RAI14: variants seen among roughly 807,000 people sequenced by gnomAD.
RAI14 encodes retinoic acid induced 14, also known as ankycorbin.
Under a neutral mutation model 115.4 loss-of-function variants are expected in RAI14, and 45 were observed. The observed-to-expected ratio is 0.39, with a 90% CI of 0.31 to 0.50. The LOEUF is 0.50. RAI14 is among the 20% of genes least tolerant of loss of function. The pLI is 0.85. For synonymous variants in RAI14, 371 were observed against 415.4 expected, an observed-to-expected ratio of 0.89 and a Z score of 1.30; for missense variants, 939 against 1,131.2, an observed-to-expected ratio of 0.83 and a Z score of 2.44.
intron 2 of RAI14, among the ~76,000 whole-genome samples, chr5:34,698,857 G>T (rs1176459604): frequency 6.6e-6 from 1 of 152,166 alleles, no homozygotes; most frequent in Non-Finnish European, 1.5e-5. Flanking sequence ...CAGGACTAGG[G>T]CCAGGGCTAG....
intron 1 of RAI14, among the ~76,000 whole-genome samples, chr5:34,677,266 G>A (rs1237998078): frequency 1.3e-5 from 2 of 151,082 alleles, no homozygotes; most frequent in Non-Finnish European, 2.9e-5. Flanking sequence ...CTGGCTTCAA[G>A]TGATTCTTTG....
Position 34,756,745 on chromosome 5 carries a change from C to G in RAI14, c.37-723C>G, listed in dbSNP as rs1347655389. ...CCATCTGCTCTTATATAGAAATCGT[C>G]TCTTTCCCTCCTAAGTGTAGAAATC... On this transcript the variant is annotated intron_variant, in intron 2 of 17. Coordinates refer to ENST00000265109, the MANE Select transcript of RAI14 (RefSeq NM_015577.3). Among the ~76,000 whole-genome samples, 12 of 152,350 alleles carry G rather than the reference C, an allele frequency of 7.9e-5. No individual in the cohort carries two copies. In the East Asian group the frequency reaches 2.1e-3, roughly 27 times the overall value.
At chr5:34,812,999 GT>G in intron 10 of RAI14, among the ~76,000 whole-genome samples, 1 of 152,084 alleles carries the variant, frequency 6.6e-6, no homozygotes, top group East Asian at 1.9e-4. Flanking sequence ...TTATTGTGTA[GT>G]TTTTTCTAAA....
At position 34,823,461 on chromosome 5, in the gene RAI14, A is replaced by G. The variant is rs1757125143; in HGVS notation, c.1619A>G (p.Gln540Arg). The stretch of plus-strand genomic sequence containing the variant: ...ATAAATGTGCTAAAGCAGGATCTGC[A>G]GAATGCATTAGAAGAAAGTGAAAGA... ...EEINVLKQDL[Q>R]NALEESERNK... is the part of the protein sequence containing the mutation. The change falls in exon 15 of 18, where the codon CAG (glutamine) becomes CGG (arginine). Residue 540 changes from glutamine to arginine, a missense_variant. Transcript: ENST00000265109. This position sits in a 1 kb window ranked among gnomAD's most constrained non-coding sequence, Gnocchi z 4.5. 3 of 1,614,090 alleles carry G rather than the reference A, an allele frequency of 1.9e-6. No individual in the cohort carries two copies. The highest frequency in any genetic ancestry group is 2.7e-5 in the African/African-American group (2 of 74,934).
intron 2 of RAI14, among the ~76,000 whole-genome samples, chr5:34,739,868 C>G (rs1236192692): frequency 5.3e-5 from 8 of 152,106 alleles, no homozygotes; most frequent in Non-Finnish European, 1.2e-4. Context: ...TCAAGACCAG[C>G]CTGACCAACA....
intron 2 of RAI14, among the ~76,000 whole-genome samples, chr5:34,730,676 G>GA (rs920662091): frequency 2.6e-5 from 4 of 151,316 alleles, no homozygotes; most frequent in Non-Finnish European, 4.4e-5. Flanking sequence ...ACCCTGTCTC[G>GA]AAAAAAAATA....
intron 2 of RAI14, among the ~76,000 whole-genome samples, chr5:34,752,800 G>T (rs528423974): frequency 7.3e-6 from 1 of 137,742 alleles, no homozygotes; most frequent in East Asian, 2.2e-4. Flanking sequence ...CAAGGTCTTG[G>T]GTTGTCGCCC....
chr5:34,721,318 T>TAG (rs1440287127), intron 2 of RAI14, among the ~76,000 whole-genome samples: 3 of 137,454 alleles, frequency 2.2e-5, no homozygotes, highest in African/African-American at 8.1e-5. Flanking sequence ...TATATATATA[T>TAG]ATATATAGAT....
chr5:34,815,089 A>C (rs1164326545), intron 12 of RAI14, among the ~76,000 whole-genome samples: 1 of 152,160 alleles, frequency 6.6e-6, no homozygotes, highest in East Asian at 1.9e-4. Context: ...TCTACTAAAA[A>C]TACAAAAACT....
intron 2 of RAI14, among the ~76,000 whole-genome samples, chr5:34,695,315 C>G (rs183691539): frequency 1.5e-3 from 223 of 152,282 alleles, no homozygotes; most frequent in Non-Finnish European, 1.6e-3. Context: ...ATACCCTATA[C>G]AGTAGTTCTA....
In RAI14 at chr5:34,827,338, A is replaced by T. The variant is rs1385706877; in HGVS notation, c.2799+859A>T. Among the ~76,000 whole-genome samples, 1 of 152,136 alleles carries T rather than the reference A, an allele frequency of 6.6e-6. No individual in the cohort carries two copies. The highest frequency in any genetic ancestry group is 2.4e-5 in the African/African-American group (1 of 41,426). ...TTTCATCTGCAAGATGCCTTTTGCC[A>T]TATAAAGTTTAACATTCACAGGTTC... On this transcript the variant is annotated intron_variant, in intron 16 of 17. Coordinates refer to ENST00000265109, the MANE Select transcript of RAI14 (RefSeq NM_015577.3). The surrounding 1 kb of genome is among the most constrained non-coding windows in gnomAD (Gnocchi z 4.2).
intron 2 of RAI14, among the ~76,000 whole-genome samples, chr5:34,736,719 C>G (rs746975505): frequency 6.6e-6 from 1 of 152,114 alleles, no homozygotes; most frequent in Admixed American, 6.6e-5. Flanking sequence ...TGGGTTTGAA[C>G]AAATTGAGAT....
At position 34,688,308 on chromosome 5, in the gene RAI14, A is replaced by G. The variant is rs989574267; in HGVS notation, c.36+1353A>G. 6.9e-6 allele frequency: 10 copies of G among 1,441,712 alleles called. No homozygotes were observed. The African/African-American group carries it at 8.6e-5, about 12-fold the overall frequency. The allele number at this position is 1,441,712 out of a possible 1,614,324, so 89.3% of individuals were successfully genotyped here. A position where few individuals can be genotyped will look rare whatever the true frequency, so the allele number is the denominator to read the frequency against. On this transcript the variant is annotated intron_variant, in intron 2 of 17. Coordinates refer to ENST00000265109, the MANE Select transcript of RAI14 (RefSeq NM_015577.3). ...ATAGGGGTTTCTAAATTTTGTGACC[A>G]GGTTAACAAATGTCTTTTTCTATTC...
At chr5:34,812,933 G>A (rs1466652424) in intron 10 of RAI14, among the ~76,000 whole-genome samples, 3 of 152,118 alleles carry the variant, frequency 2.0e-5, no homozygotes, top group Non-Finnish European at 2.9e-5. Context: ...CTTTTAATTA[G>A]GGTTTTTCTA....
intron 3 of RAI14, among the ~76,000 whole-genome samples, chr5:34,792,239 T>TTC (rs1554005384): frequency 6.8e-6 from 1 of 146,338 alleles, no homozygotes; most frequent in Non-Finnish European, 1.5e-5. Context: ...TTTTTTCTTT[T>TTC]TTTTTTTTTT....
At chr5:34,799,493 G>GACACACACACACACACACAC (rs780186006) in intron 4 of RAI14, among the ~76,000 whole-genome samples, 7 of 124,044 alleles carry the variant, frequency 5.6e-5, no homozygotes, top group Non-Finnish European at 1.0e-4. Context: ...CACACACACA[G>GACACACACACACACACACAC]ACACACACAC....
chr5:34,728,013 T>C (rs1201582432), intron 2 of RAI14, among the ~76,000 whole-genome samples: 1 of 152,172 alleles, frequency 6.6e-6, no homozygotes, highest in African/African-American at 2.4e-5. Flanking sequence ...AGACACTCAA[T>C]GCCAGCCTGT....
chr5:34,662,757 C>T (rs1426319632), intron 1 of RAI14, among the ~76,000 whole-genome samples: 2 of 107,108 alleles, frequency 1.9e-5, no homozygotes, highest in Non-Finnish European at 3.5e-5. Context: ...GACACAGAGT[C>T]TCACTCTGTT....
At position 34,823,221 on chromosome 5, in the gene RAI14, A is replaced by G; in HGVS notation, c.1379A>G (p.Gln460Arg). 1 of 1,614,134 alleles carries G rather than the reference A, an allele frequency of 6.2e-7. No homozygotes were observed. Among genetic ancestry groups the G allele is most frequent in the Non-Finnish European group, 8.5e-7 (1 of 1,180,042 alleles). The change falls in exon 15 of 18, where the codon CAA becomes CGA. Residue 460 changes from glutamine to arginine, a missense_variant. Physicochemically the swap from Gln to Arg is conservative, Grantham distance 43. Coordinates refer to ENST00000265109, the MANE Select transcript of RAI14 (RefSeq NM_015577.3). The surrounding 1 kb of genome is among the most constrained non-coding windows in gnomAD (Gnocchi z 4.5). ...AERKQLQVEL[Q>R]SRRAELVCLN... ...AGAAAACAGCTACAGGTCGAACTCC[A>G]ATCCCGAAGGGCAGAACTGGTATGC...
Sources: allele counts gnomAD v4.1 joint callset (sites outside exome capture counted in the v4.1 genomes callset), GRCh38; gene constraint gnomAD v4.1.1; non-coding constraint Gnocchi (gnomAD v3.1); transcripts MANE v1.5; gene names NCBI Gene and HGNC (gene_info 2026-07-23, HGNC 2026-07-21).